Variants in CPPED1 observed in about 807,000 individuals in gnomAD.
CPPED1 encodes calcineurin like phosphoesterase domain containing 1.
In CPPED1, 28 loss-of-function variants were observed where a neutral mutation model predicts 28.0. That is an observed-to-expected ratio of 1.00 (90% CI 0.74 to 1.37). CPPED1 has a LOEUF of 1.37. Among genes scored for constraint, CPPED1 ranks in the 40% most tolerant of loss-of-function variants. The pLI, the probability that CPPED1 is intolerant of heterozygous loss-of-function variation, is 0.00. For missense variants in CPPED1, 504 were observed against 416.5 expected, an observed-to-expected ratio of 1.21 and a Z score of -1.83; for synonymous variants, 198 against 180.2, an observed-to-expected ratio of 1.10 and a Z score of -0.79.
chr16:12,692,662 G>A (rs1277257210), intron 3 of CPPED1, among the ~76,000 whole-genome samples: 10 of 152,124 alleles, frequency 6.6e-5, no homozygotes, highest in Admixed American at 6.5e-4. Context: ...CCACACCATG[G>A]GAGCAGCCGC....
At chr16:12,748,288 T>C (rs948645395) in intron 2 of CPPED1, among the ~76,000 whole-genome samples, 1 of 152,052 alleles carries the variant, frequency 6.6e-6, no homozygotes, top group Non-Finnish European at 1.5e-5. Context: ...TGAAAATAAA[T>C]GAACTAGAAT....
At chr16:12,712,343 A>C (rs894083592) in intron 2 of CPPED1, among the ~76,000 whole-genome samples, 6 of 152,140 alleles carry the variant, frequency 3.9e-5, no homozygotes, top group African/African-American at 7.2e-5. Flanking sequence ...TCAGTAATTA[A>C]AACTCCTTTC....
At chr16:12,667,532 T>C (rs2141164534) in intron 3 of CPPED1, among the ~76,000 whole-genome samples, 1 of 152,300 alleles carries the variant, frequency 6.6e-6, no homozygotes, top group East Asian at 1.9e-4. Context: ...GGTGCAAGAA[T>C]TGCTTGATGC....
intron 3 of CPPED1, among the ~76,000 whole-genome samples, chr16:12,700,536 G>A (rs541146532): frequency 6.2e-4 from 94 of 152,310 alleles, no homozygotes; most frequent in Non-Finnish European, 1.1e-3. Flanking sequence ...GATTACAGGT[G>A]GGCACCACCA....
At chr16:12,792,324 CACAT>C (rs1255900406) in intron 1 of CPPED1, among the ~76,000 whole-genome samples, 1 of 152,082 alleles carries the variant, frequency 6.6e-6, no homozygotes, top group Non-Finnish European at 1.5e-5. Flanking sequence ...ATGATTCTGA[CACAT>C]AACAATGTCT....
chr16:12,799,247 T>G (rs1422568253), intron 1 of CPPED1, among the ~76,000 whole-genome samples: 1 of 81,330 alleles, frequency 1.2e-5, no homozygotes, highest in Non-Finnish European at 2.2e-5. Context: ...AAGTCAGTTT[T>G]TTTTTTTTTT....
chr16:12,787,202 A>C (rs564144211), intron 1 of CPPED1, among the ~76,000 whole-genome samples: 16 of 152,316 alleles, frequency 1.1e-4, no homozygotes, highest in African/African-American at 3.8e-4. Flanking sequence ...TGGAAGGAAT[A>C]AAAGAAAAAA....
intron 2 of CPPED1, among the ~76,000 whole-genome samples, chr16:12,770,896 G>A (rs1410584726): frequency 7.4e-6 from 1 of 134,640 alleles, no homozygotes; most frequent in African/African-American, 2.6e-5. Flanking sequence ...AGGGGGAGGG[G>A]CGGGGCGGGG....
chr16:12,752,638 GTA>G (rs2080337308), intron 2 of CPPED1, among the ~76,000 whole-genome samples: 1 of 146,750 alleles, frequency 6.8e-6, no homozygotes, highest in Non-Finnish European at 1.5e-5. Flanking sequence ...TATATATTAT[GTA>G]TATGTTTATA....
chr16:12,714,001 T>A (rs183676577), intron 2 of CPPED1, among the ~76,000 whole-genome samples: 1 of 152,242 alleles, frequency 6.6e-6, no homozygotes, highest in African/African-American at 2.4e-5. Flanking sequence ...ATTTCTCCAC[T>A]CCAGGCATTT....
chr16:12,727,609 A>G (rs2080176754), intron 2 of CPPED1, among the ~76,000 whole-genome samples: 1 of 152,160 alleles, frequency 6.6e-6, no homozygotes, highest in South Asian at 2.1e-4. Context: ...TTGGCCTCCC[A>G]AAGTGTAGGG....
rs1447361139 is a variant in CPPED1, at chr16:12,664,097, T to C, written c.*789A>G. The C allele has an allele frequency of 5.3e-5, 8 of 152,184 alleles. No individual in the cohort carries two copies. Among genetic ancestry groups the C allele is most frequent in the Non-Finnish European group, 1.0e-4 (7 of 68,054 alleles). 9.4% of individuals were successfully genotyped at this position (152,184 alleles called of 1,614,324 possible). On this transcript the variant is annotated 3_prime_UTR_variant, in exon 4 of 4. Transcript: ENST00000381774. The surrounding 1 kb of genome is among the most constrained non-coding windows in gnomAD (Gnocchi z 4.2). ...CATTCTGATCCCAAGAGACCACCCA[T>C]CTGTGGAGTGGCTACACAGCCAGAA...
chr16:12,784,996 A>G (rs986403131), intron 1 of CPPED1, among the ~76,000 whole-genome samples: 4 of 152,210 alleles, frequency 2.6e-5, no homozygotes, highest in African/African-American at 4.8e-5. Flanking sequence ...ATCAGTATTC[A>G]ATCTACCTTA....
At chr16:12,693,338 C>T (rs953390748) in intron 3 of CPPED1, among the ~76,000 whole-genome samples, 5 of 152,038 alleles carry the variant, frequency 3.3e-5, no homozygotes, top group African/African-American at 9.7e-5. Flanking sequence ...TGTAGCTGGG[C>T]GTGCACCACA....
intron 2 of CPPED1, among the ~76,000 whole-genome samples, chr16:12,731,342 A>C (rs1339180156): frequency 6.6e-6 from 1 of 150,702 alleles, no homozygotes; most frequent in Non-Finnish European, 1.5e-5. Flanking sequence ...GTTAGTAGAG[A>C]CGGGGTTTCA....
chr16:12,692,238 A>G (rs901385945), intron 3 of CPPED1, among the ~76,000 whole-genome samples: 2 of 152,190 alleles, frequency 1.3e-5, no homozygotes, highest in African/African-American at 4.8e-5. Flanking sequence ...GGCACTTCAC[A>G]GAGCCATCTC....
In CPPED1 at chr16:12,803,812, C is replaced by A. The variant is rs1419081136; in HGVS notation, c.-36G>T. 1 of 1,574,968 alleles carries A rather than the reference C, an allele frequency of 6.3e-7. No individual in the cohort carries two copies. Among genetic ancestry groups the A allele is most frequent in the Non-Finnish European group, 8.6e-7 (1 of 1,160,502 alleles). ...TTTCTGGCCTTCACTTAGAACACTG[C>A]GTGGGTGGAAGCCGCGCGACTTCAC... is the stretch of plus-strand genomic sequence containing the variant. On this transcript the variant is annotated 5_prime_UTR_variant, in exon 1 of 4. Transcript: ENST00000381774.
At chr16:12,738,686 T>C (rs993386659) in intron 2 of CPPED1, among the ~76,000 whole-genome samples, 2 of 152,174 alleles carry the variant, frequency 1.3e-5, no homozygotes, top group African/African-American at 4.8e-5. Context: ...AGAGAGTTTA[T>C]GGGTATGGAC....
chr16:12,681,854 G>C (rs1480673224), intron 3 of CPPED1, among the ~76,000 whole-genome samples: 1 of 152,088 alleles, frequency 6.6e-6, no homozygotes, highest in African/African-American at 2.4e-5. Flanking sequence ...AAAGGACATG[G>C]GGATGTGCTC....
Sources: gnomAD v4.1 joint callset for allele counts (sites outside exome capture counted in the v4.1 genomes callset) on GRCh38, gnomAD v4.1.1 for gene constraint, Gnocchi (gnomAD v3.1) non-coding constraint, MANE v1.5 for transcripts, NCBI Gene and HGNC (gene_info 2026-07-23, HGNC 2026-07-21) for gene names.